Variants in WDFY3 observed in about 807,000 individuals in gnomAD.
WDFY3 encodes the protein WD repeat and FYVE domain containing 3.
In WDFY3, 66 loss-of-function variants were observed where a neutral mutation model predicts 409.6. The observed-to-expected ratio is 0.16, with a 90% CI of 0.13 to 0.20. WDFY3 has a LOEUF of 0.20. WDFY3 is among the 10% of genes least tolerant of loss of function. WDFY3 has a pLI of 1.00. For synonymous variants in WDFY3, 1,521 were observed against 1,537.1 expected, an observed-to-expected ratio of 0.99 and a Z score of 0.25; for missense variants, 3,031 against 4,298.1, an observed-to-expected ratio of 0.71 and a Z score of 8.24.
At chr4:84,922,718 G>A (rs1769449542) in intron 2 of WDFY3, among the ~76,000 whole-genome samples, 1 of 151,916 alleles carries the variant, frequency 6.6e-6, no homozygotes, top group Non-Finnish European at 1.5e-5. Context: ...GGAGTGCAGT[G>A]GCACCATCAA....
At chr4:84,783,856 C>T (rs1578499421) in intron 24 of WDFY3, among the ~76,000 whole-genome samples, 1 of 138,572 alleles carries the variant, frequency 7.2e-6, no homozygotes, top group African/African-American at 2.9e-5. Context: ...GTATATGTGT[C>T]ATACATACAC....
At chr4:84,718,808 T>C (rs1192363423) in intron 47 of WDFY3, among the ~76,000 whole-genome samples, 5 of 152,186 alleles carry the variant, frequency 3.3e-5, no homozygotes, top group Admixed American at 2.0e-4. Flanking sequence ...GTGTACTTTA[T>C]GTAGGCCAGG....
chr4:84,949,033 A>G, intron 1 of WDFY3, among the ~76,000 whole-genome samples: 1 of 152,122 alleles, frequency 6.6e-6, no homozygotes, highest in East Asian at 1.9e-4. Context: ...GGCCTACCAA[A>G]AAGAACTTTT....
intron 36 of WDFY3, among the ~76,000 whole-genome samples, chr4:84,747,086 A>G (rs1237953245): frequency 6.6e-6 from 1 of 152,208 alleles, no homozygotes; most frequent in Non-Finnish European, 1.5e-5. Flanking sequence ...AAGGCAGGAC[A>G]GGCACGGTGA....
chr4:84,841,471 A>G (rs1757344395), intron 5 of WDFY3, among the ~76,000 whole-genome samples: 1 of 152,236 alleles, frequency 6.6e-6, no homozygotes, highest in African/African-American at 2.4e-5. Flanking sequence ...GCCAACCTAT[A>G]TATTTCAGGA....
At chr4:84,923,181 A>T (rs1247429578) in intron 2 of WDFY3, among the ~76,000 whole-genome samples, 1 of 152,236 alleles carries the variant, frequency 6.6e-6, no homozygotes, top group Admixed American at 6.5e-5. Context: ...AGGTACAAGA[A>T]GATCATTCTG....
At chr4:84,888,013 TC>T (rs1264168888) in intron 3 of WDFY3, among the ~76,000 whole-genome samples, 1 of 152,168 alleles carries the variant, frequency 6.6e-6, no homozygotes, top group African/African-American at 2.4e-5. Flanking sequence ...GAAATATGAC[TC>T]ATGAGCGGTA....
At chr4:84,855,905 G>A (rs547971723) in intron 4 of WDFY3, among the ~76,000 whole-genome samples, 2 of 152,232 alleles carry the variant, frequency 1.3e-5, no homozygotes, top group South Asian at 2.1e-4. Flanking sequence ...CTCTCCTTCC[G>A]GGCTTTGCCT....
At chr4:84,756,446 G>A (rs965500835) in intron 33 of WDFY3, among the ~76,000 whole-genome samples, 3 of 151,880 alleles carry the variant, frequency 2.0e-5, no homozygotes, top group Non-Finnish European at 4.4e-5. Context: ...TTAGCCCAGC[G>A]GGGTAGCGCC....
intron 49 of WDFY3, among the ~76,000 whole-genome samples, chr4:84,716,395 T>C (rs1427163773): frequency 1.4e-5 from 2 of 139,524 alleles, no homozygotes. Context: ...GCCTAGATCG[T>C]GCCACTGCAC....
In WDFY3 at chr4:84,737,371, T is replaced by G; in HGVS notation, c.6575-5A>C. 1 of 1,547,734 alleles carries G rather than the reference T, an allele frequency of 6.5e-7. No individual in the cohort carries two copies. The highest frequency in any genetic ancestry group is 8.7e-7 in the Non-Finnish European group (1 of 1,149,412). On this transcript the variant is annotated splice_region_variant and splice_polypyrimidine_tract_variant and intron_variant, in intron 40 of 67. Coordinates refer to ENST00000295888, the MANE Select transcript of WDFY3 (RefSeq NM_014991.6). The stretch of plus-strand genomic sequence containing the variant: ...CTTTTATGAGAAGCTGACGCCCTAG[T>G]AAACAAACAAACAAACAAACAAAAA...
At chr4:84,839,345 C>G (rs1047757856) in intron 6 of WDFY3, among the ~76,000 whole-genome samples, 1 of 152,060 alleles carries the variant, frequency 6.6e-6, no homozygotes, top group Non-Finnish European at 1.5e-5. Flanking sequence ...CTACCATCAA[C>G]AGCAAACAGA....
At chr4:84,720,066 T>C (rs1478208978) in intron 47 of WDFY3, among the ~76,000 whole-genome samples, 3 of 152,198 alleles carry the variant, frequency 2.0e-5, no homozygotes, top group Non-Finnish European at 4.4e-5. Context: ...CCCTTGTTTA[T>C]TAAACCAATC....
intron 1 of WDFY3, among the ~76,000 whole-genome samples, chr4:84,935,892 T>C (rs114909120): frequency 0.022 from 3,291 of 152,292 alleles, 58 homozygotes; most frequent in Non-Finnish European, 0.033. Flanking sequence ...TGTAATATAG[T>C]ATAATTCTCA....
At chr4:84,954,946 T>C (rs1250490910) in intron 1 of WDFY3, among the ~76,000 whole-genome samples, 16 of 152,218 alleles carry the variant, frequency 1.1e-4, no homozygotes. Flanking sequence ...GGCTCGCTCC[T>C]GTAATTTTGG....
intron 32 of WDFY3, 48 bp downstream of exon 32, chr4:84,765,761 CA>C (rs762113230): frequency 7.1e-6 from 11 of 1,541,808 alleles, no homozygotes; most frequent in Non-Finnish European, 8.9e-6. Flanking sequence ...TAAAATAAAA[CA>C]AAACACACCA....
chr4:84,870,375 A>G (rs188122500), intron 3 of WDFY3, among the ~76,000 whole-genome samples: 117 of 152,236 alleles, frequency 7.7e-4, no homozygotes, highest in Non-Finnish European at 1.4e-3. Flanking sequence ...CACAGGTGAA[A>G]TCAGCCTACC....
intron 7 of WDFY3, among the ~76,000 whole-genome samples, chr4:84,835,998 T>G (rs1221309379): frequency 6.6e-6 from 1 of 152,224 alleles, no homozygotes. Flanking sequence ...GATCTAAACA[T>G]GTTGTTTTTA....
chr4:84,755,419 G>A lies in WDFY3; in HGVS notation c.5425-19C>T. The A allele has an allele frequency of 6.3e-7, 1 of 1,581,010 alleles. No individual in the cohort carries two copies. The highest frequency in any genetic ancestry group is 8.5e-7 in the Non-Finnish European group (1 of 1,169,764). On this transcript the variant is annotated intron_variant, in intron 33 of 67. Coordinates refer to ENST00000295888, the MANE Select transcript of WDFY3 (RefSeq NM_014991.6). ...AATCAAACTGCAGAGGTGAAAGGGA[G>A]CAAATATTAGCCACCACTAATTTTT...
Sources: gnomAD v4.1 joint callset for allele counts (sites outside exome capture counted in the v4.1 genomes callset) on GRCh38, gnomAD v4.1.1 for gene constraint, MANE v1.5 for transcripts, NCBI Gene and HGNC (gene_info 2026-07-23, HGNC 2026-07-21) for gene names.